The following VPS13C variants were observed in gnomAD, a reference collection of about 807,000 sequenced individuals.
The protein encoded by VPS13C is intermembrane lipid transfer protein VPS13C.
VPS13C carries 358 observed loss-of-function variants against 456.8 expected under a neutral mutation model. The observed-to-expected ratio is 0.78, with a 90% CI of 0.72 to 0.86. The LOEUF (loss-of-function observed/expected upper bound fraction) is 0.86. VPS13C is among the 40% of genes least tolerant of loss of function. The probability of loss-of-function intolerance (pLI) is 0.00; values close to 1 mark genes in which losing one functional copy is unlikely to be tolerated. For missense variants in VPS13C, 4,818 were observed against 4,385.4 expected (o/e 1.10, Z -2.79); for synonymous variants, 1,578 against 1,486.7 (o/e 1.06, Z -1.41).
At position 62,044,223 on chromosome 15, in the gene VPS13C, CT is replaced by C; in HGVS notation, c.132del (p.Glu45LysfsTer4). 1 of 1,487,462 alleles carries C rather than the reference CT, an allele frequency of 6.7e-7. No individual in the cohort carries two copies. The highest frequency in any genetic ancestry group is 9.2e-7 in the Non-Finnish European group (1 of 1,083,330). The allele number at this position is 1,487,462 out of a possible 1,614,324, so 92.1% of individuals were successfully genotyped here. A position where few individuals can be genotyped will look rare whatever the true frequency, so the allele number is the denominator to read the frequency against. On this transcript the variant is annotated frameshift_variant, in exon 2 of 85. Transcript: ENST00000644861. LOFTEE classifies it high-confidence loss of function. The stretch of plus-strand genomic sequence containing the variant: ...TAAAAAAAACTTACCAGGGCATTTT[CT>C]TTTATCTGTAGATTATCTAAAGCCA... ...GNVALDNLQI[K>X]ENALSELDVP...
intron 27 of VPS13C, among the ~76,000 whole-genome samples, chr15:61,970,969 A>G (rs1188817868): frequency 6.6e-6 from 1 of 152,122 alleles, no homozygotes; most frequent in Admixed American, 6.6e-5. Context: ...AAAACATAAG[A>G]CAAGTGTAAG....
intron 15 of VPS13C, 114 bp downstream of exon 15, chr15:62,007,194 A>G: frequency 1.1e-6 from 1 of 903,912 alleles, no homozygotes. Context: ...TCTCTCTCAA[A>G]AAGAGGTGAA....
In VPS13C at chr15:61,959,670, A is replaced by G. The variant is rs963682649; in HGVS notation, c.3909-75T>C. On this transcript the variant is annotated intron_variant, in intron 35 of 84. Coordinates refer to ENST00000644861, the MANE Select transcript of VPS13C (RefSeq NM_020821.3). ...CAACATATTAAAAAAAAGCAAAGTC[A>G]AGCAGTTATTTGCTGCTCTAAATAC... The G allele has an allele frequency of 3.1e-5, 46 of 1,477,024 alleles. No individual in the cohort carries two copies. The African/African-American group carries it at 6.0e-4, about 19-fold the overall frequency. The allele number at this position is 1,477,024 out of a possible 1,614,324, so 91.5% of individuals were successfully genotyped here. A position where few individuals can be genotyped will look rare whatever the true frequency, so the allele number is the denominator to read the frequency against.
rs533013199 is a variant in VPS13C, at chr15:62,010,392, A to G, written c.1011+80T>C. On this transcript the variant is annotated intron_variant, in intron 13 of 84. Transcript: ENST00000644861. ...AACAAACCCCAAAAAACCACCAACC[A>G]CTAGAGAAGTAATAATCACAAATAA... is the stretch of plus-strand genomic sequence containing the variant. The G allele has an allele frequency of 2.1e-4, 281 of 1,360,984 alleles. No homozygotes were observed. In the African/African-American group the frequency reaches 3.2e-3, roughly 16 times the overall value. The allele number at this position is 1,360,984 out of a possible 1,614,324, so 84.3% of individuals were successfully genotyped here. A position where few individuals can be genotyped will look rare whatever the true frequency, so the allele number is the denominator to read the frequency against.
chr15:61,991,840 T>C (rs372859845), intron 16 of VPS13C, 38 bp from the exon 17 acceptor site: 2 of 1,594,874 alleles, frequency 1.3e-6, no homozygotes, highest in African/African-American at 1.4e-5. Context: ...TTTAAGAATG[T>C]TGCCCTCTTC....
At chr15:61,970,534 G>A (rs561384572) in intron 27 of VPS13C, among the ~76,000 whole-genome samples, 1 of 152,126 alleles carries the variant, frequency 6.6e-6, no homozygotes, top group Non-Finnish European at 1.5e-5. Flanking sequence ...GGTGGCTCAT[G>A]CCTGTAATCC....
At chr15:61,994,155 T>C (rs1192903120) in intron 16 of VPS13C, among the ~76,000 whole-genome samples, 1 of 152,168 alleles carries the variant, frequency 6.6e-6, no homozygotes, top group Non-Finnish European at 1.5e-5. Context: ...AGGCCCTATG[T>C]ACTTTCCATT....
chr15:61,902,076 C>T (rs1189404559), intron 66 of VPS13C, among the ~76,000 whole-genome samples: 1 of 131,612 alleles, frequency 7.6e-6, no homozygotes, highest in Non-Finnish European at 1.5e-5. Context: ...ATCACATGGA[C>T]ACAGGAAGGG....
At position 62,004,313 on chromosome 15, in the gene VPS13C, T is replaced by C. The variant is rs565812504; in HGVS notation, c.1290+2995A>G. 8.6e-4 allele frequency among the ~76,000 whole-genome samples: 131 copies of C among 152,068 alleles called. 2 individuals carry two copies. Among genetic ancestry groups the C allele is most frequent in the African/African-American group, 3.0e-3 (123 of 41,456 alleles). On this transcript the variant is annotated intron_variant, in intron 15 of 84. Transcript: ENST00000644861. ...ATTTTCTAGTTTATTTGCATAGAGG[T>C]GTTTGTAGTATTCTCTGATGGTAGT...
intron 24 of VPS13C, among the ~76,000 whole-genome samples, chr15:61,974,986 T>G (rs77093383): frequency 6.6e-6 from 1 of 152,116 alleles, no homozygotes; most frequent in African/African-American, 2.4e-5. Flanking sequence ...GCCTCAGGTT[T>G]ATTTGTCTCA....
chr15:61,950,470 C>T, intron 40 of VPS13C, 53 bp from the exon 41 acceptor site: 1 of 1,335,286 alleles, frequency 7.5e-7, no homozygotes, highest in Middle Eastern at 1.8e-4. Flanking sequence ...AAAATTCATA[C>T]ACTGAAAATA....
chr15:61,973,600 G>C (rs980303853), intron 25 of VPS13C, 68 bp from the exon 26 acceptor site: 4 of 1,172,816 alleles, frequency 3.4e-6, no homozygotes, highest in Non-Finnish European at 5.1e-6. Flanking sequence ...ATAAATGAGA[G>C]GAAGACTAAA....
In VPS13C at chr15:61,900,869, G is replaced by T. The variant is rs907934036; in HGVS notation, c.9105+6395C>A. On this transcript the variant is annotated intron_variant, in intron 66 of 84. Coordinates refer to ENST00000644861, the MANE Select transcript of VPS13C (RefSeq NM_020821.3). ...GCCTGACTTCAAACTATACTACAAG[G>T]CTACAGTAACCAAAACAGCATGGTA... is the stretch of plus-strand genomic sequence containing the variant. Among the ~76,000 whole-genome samples the T allele has an allele frequency of 3.2e-4, 49 of 151,460 alleles. No homozygotes were observed. In the Middle Eastern group the frequency reaches 0.021, roughly 64 times the overall value.
rs1459101266 is a variant in VPS13C at position 61,969,371 on chromosome 15, T to A, written c.2839A>T (p.Thr947Ser). ...FNVTQLGTEA[T>S]MRTFDLTVVS... Reference sequence around the variant, plus strand: ...ACAGTTAAGTCAAATGTTCTCATTGTGGCCTCTGTTCCTAACTGAGTAACA... The same window carrying A: ...ACAGTTAAGTCAAATGTTCTCATTGAGGCCTCTGTTCCTAACTGAGTAACA... Residue 947 changes from threonine to serine, a missense_variant, in exon 28 of 85, where the codon ACA becomes TCA. Physicochemically the swap from Thr to Ser is moderately conservative, Grantham distance 58 (BLOSUM62 1). This residue lies in a region of VPS13C where 4,552 missense variants were observed against 4,130.6 expected (regional missense o/e 1.10). Transcript: ENST00000644861. 6.2e-7 allele frequency: 1 copy of A among 1,603,462 alleles called. No homozygotes were observed. Among genetic ancestry groups the A allele is most frequent in the South Asian group, 1.1e-5 (1 of 88,728 alleles).
At chr15:61,932,176 T>C (rs1227445205) in intron 49 of VPS13C, among the ~76,000 whole-genome samples, 2 of 151,960 alleles carry the variant, frequency 1.3e-5, no homozygotes, top group Non-Finnish European at 2.9e-5. Flanking sequence ...CTCAGAGAGG[T>C]TGAAGAGATC....
intron 22 of VPS13C, among the ~76,000 whole-genome samples, chr15:61,979,052 T>C (rs1010703460): frequency 6.6e-6 from 1 of 152,142 alleles, no homozygotes; most frequent in African/African-American, 2.4e-5. Context: ...CAGGAATTAT[T>C]GCCACTTAGA....
chr15:61,934,008 C>G (rs2044144418), intron 49 of VPS13C, among the ~76,000 whole-genome samples: 1 of 151,536 alleles, frequency 6.6e-6, no homozygotes, highest in Admixed American at 6.6e-5. Context: ...GAAATAAAAC[C>G]CTGAGTACTT....
intron 3 of VPS13C, among the ~76,000 whole-genome samples, chr15:62,037,370 T>C (rs1421390972): frequency 1.0e-4 from 9 of 89,618 alleles, no homozygotes; most frequent in Middle Eastern, 4.7e-3. Context: ...GTATATAATA[T>C]ATTATATATA....
At chr15:62,007,014 CA>C (rs1383377939) in intron 15 of VPS13C, among the ~76,000 whole-genome samples, 1 of 152,070 alleles carries the variant, frequency 6.6e-6, no homozygotes, top group African/African-American at 2.4e-5. Context: ...CTAATAAACA[CA>C]TATTTAAACA....
Sources: allele counts gnomAD v4.1 joint callset (sites outside exome capture counted in the v4.1 genomes callset), GRCh38; gene constraint gnomAD v4.1.1; regional missense constraint gnomAD v4.1.1; transcripts MANE v1.5; gene names NCBI Gene and HGNC (gene_info 2026-07-23, HGNC 2026-07-21).